CTNND2: variants seen among roughly 807,000 people sequenced by gnomAD.
CTNND2 encodes the protein catenin delta 2.
Under a neutral mutation model 144.4 loss-of-function variants are expected in CTNND2, and 22 were observed. That is an observed-to-expected ratio of 0.15 (90% CI 0.11 to 0.22). The LOEUF (loss-of-function observed/expected upper bound fraction) is 0.22, where lower values mean the gene tolerates loss of function less well. CTNND2 is among the 10% of genes least tolerant of loss of function. The pLI, the probability that CTNND2 is intolerant of heterozygous loss-of-function variation, is 1.00. For missense variants in CTNND2, 1,353 were observed against 1,618.8 expected, an observed-to-expected ratio of 0.84 and a Z score of 2.82; for synonymous variants, 751 against 695.6, an observed-to-expected ratio of 1.08 and a Z score of -1.25.
intron 2 of CTNND2, among the ~76,000 whole-genome samples, chr5:11,607,799 C>A (rs962028681): frequency 1.5e-4 from 23 of 152,188 alleles, no homozygotes; most frequent in African/African-American, 5.5e-4. Flanking sequence ...GTGAACACGG[C>A]AGGTATCAAA....
intron 1 of CTNND2, among the ~76,000 whole-genome samples, chr5:11,750,452 G>T (rs1788548388): frequency 6.6e-6 from 1 of 151,866 alleles, no homozygotes; most frequent in Non-Finnish European, 1.5e-5. Flanking sequence ...TGTGATTTTG[G>T]TATTGTTTGT....
At chr5:10,983,996 T>C (rs547493244) in intron 20 of CTNND2, among the ~76,000 whole-genome samples, 208 of 152,294 alleles carry the variant, frequency 1.4e-3, no homozygotes, top group Non-Finnish European at 2.5e-3. Flanking sequence ...TCTTTCTCCC[T>C]GGAACTCGCT....
rs564087121 is a variant in CTNND2 at position 11,319,907 on chromosome 5, C to G, written c.1628+26465G>C. 7.9e-5 allele frequency among the ~76,000 whole-genome samples: 12 copies of G among 152,236 alleles called. No homozygotes were observed. In the East Asian group the frequency reaches 2.3e-3, roughly 29 times the overall value. On this transcript the variant is annotated intron_variant, in intron 9 of 21. Coordinates refer to ENST00000304623, the MANE Select transcript of CTNND2 (RefSeq NM_001332.4). ...TGATGATCAGAATATTTTAGCCTGTCATATTTTAGTGTGAAATGCATAACG... is the reference window on the plus strand; with the variant it reads ...TGATGATCAGAATATTTTAGCCTGTGATATTTTAGTGTGAAATGCATAACG...
At chr5:11,178,669 G>A (rs1206494868) in intron 11 of CTNND2, among the ~76,000 whole-genome samples, 1 of 152,158 alleles carries the variant, frequency 6.6e-6, no homozygotes, top group Admixed American at 6.5e-5. Flanking sequence ...GTAGAGCCTA[G>A]CAGAATTTTA....
intron 3 of CTNND2, among the ~76,000 whole-genome samples, chr5:11,528,752 G>A (rs1305817492): frequency 6.6e-6 from 1 of 152,220 alleles, no homozygotes; most frequent in East Asian, 1.9e-4. Flanking sequence ...GTCTGAACCA[G>A]GGGCCACAAA....
rs1410267058 is a variant in CTNND2, at chr5:11,397,052, A to T, written c.591T>A (p.Ala197=). 1 of 1,613,684 alleles carries T rather than the reference A, an allele frequency of 6.2e-7. No homozygotes were observed. Among genetic ancestry groups the T allele is most frequent in the East Asian group, 2.2e-5 (1 of 44,870 alleles). ...QLPARGTQAR[A]TGQSFSQGTT... is the part of the protein sequence containing the mutation. ...CTACCTGGCTGAAGCTCTGGCCCGT[A>T]GCTCGGGCTTGTGTGCCTCGGGCCG... The change falls in exon 6 of 22, where the codon GCT becomes GCA. Residue 197 remains alanine (A), a synonymous_variant. Transcript: ENST00000304623.
chr5:11,044,115 C>G (rs927251793), intron 16 of CTNND2, among the ~76,000 whole-genome samples: 7 of 152,146 alleles, frequency 4.6e-5, no homozygotes, highest in African/African-American at 9.7e-5. Context: ...GATGGTCCTG[C>G]CTGTCTGCTC....
intron 3 of CTNND2, among the ~76,000 whole-genome samples, chr5:11,563,754 A>C (rs1267426902): frequency 6.6e-6 from 1 of 152,132 alleles, no homozygotes; most frequent in Admixed American, 6.5e-5. Context: ...GAAAAAAAAA[A>C]CACTAAGCAA....
chr5:11,077,006 T>A (rs189621755), intron 16 of CTNND2, among the ~76,000 whole-genome samples: 3 of 152,156 alleles, frequency 2.0e-5, no homozygotes, highest in East Asian at 1.9e-4. Flanking sequence ...ATTCTTGGCT[T>A]TTTTAATAGA....
chr5:11,284,711 C>T (rs140761078), intron 9 of CTNND2, among the ~76,000 whole-genome samples: 4,459 of 152,268 alleles, frequency 0.029, 105 homozygotes, highest in Non-Finnish European at 0.046. Flanking sequence ...GTGAATAGTG[C>T]TGCAATGAAC....
chr5:11,067,878 A>C lies in CTNND2; in HGVS notation c.2788+14818T>G, dbSNP rs989284303. ...TGTCTTCATCAAAGTGTGTGTTGTG[A>C]AAGATTATATTAAAATATAATATTC... On this transcript the variant is annotated intron_variant, in intron 16 of 21. Transcript: ENST00000304623. Among the ~76,000 whole-genome samples, 9 of 152,340 alleles carry C rather than the reference A, an allele frequency of 5.9e-5. No individual in the cohort carries two copies. The South Asian group carries it at 1.7e-3, about 28-fold the overall frequency.
At chr5:11,750,856 C>T (rs979494615) in intron 1 of CTNND2, among the ~76,000 whole-genome samples, 9 of 151,720 alleles carry the variant, frequency 5.9e-5, no homozygotes, top group Admixed American at 5.3e-4. Context: ...TTATCTTATA[C>T]ACCAAGATGT....
chr5:11,554,914 TATATAA>T (rs1023717811), intron 3 of CTNND2, among the ~76,000 whole-genome samples: 6 of 150,878 alleles, frequency 4.0e-5, no homozygotes, highest in African/African-American at 1.5e-4. Context: ...ATCAATTATA[TATATAA>T]ATATATCTAC....
rs1416057892 is a variant in CTNND2, at chr5:10,992,638, T to C, written c.3124A>G (p.Thr1042Ala). The C allele has an allele frequency of 2.5e-6, 4 of 1,614,020 alleles. No homozygotes were observed. Among genetic ancestry groups the C allele is most frequent in the Admixed American group, 1.7e-5 (1 of 60,008 alleles). The change falls in exon 19 of 22, where the codon ACC (threonine) becomes GCC (alanine). Residue 1042 changes from threonine (T) to alanine (A), a missense_variant. Thr to Ala is a moderately conservative substitution (Grantham distance 58, BLOSUM62 0). Coordinates refer to ENST00000304623, the MANE Select transcript of CTNND2 (RefSeq NM_001332.4). Reference protein sequence around the residue: ...SQYHFVASSSTIERDRQRPYS... With the variant: ...SQYHFVASSSAIERDRQRPYS... ...GGCCTTTGCCGGTCCCTCTCGATGG[T>C]TGAAGACGAGGCTACAAAGTGGTAT...
chr5:11,398,965 G>T (rs1431945106), intron 5 of CTNND2, among the ~76,000 whole-genome samples: 1 of 152,212 alleles, frequency 6.6e-6, no homozygotes, highest in Non-Finnish European at 1.5e-5. Context: ...AGCCTCTGGA[G>T]GTGGGGCAAG....
chr5:11,151,761 G>A (rs1757776520), intron 12 of CTNND2, among the ~76,000 whole-genome samples: 2 of 152,046 alleles, frequency 1.3e-5, no homozygotes, highest in Non-Finnish European at 2.9e-5. Context: ...AGCATGATGG[G>A]GGATTTTATA....
intron 12 of CTNND2, among the ~76,000 whole-genome samples, chr5:11,146,480 C>T (rs570766817): frequency 1.3e-5 from 2 of 152,292 alleles, no homozygotes; most frequent in South Asian, 4.1e-4. Flanking sequence ...CTAAACCTCT[C>T]TAAGCTTCAG....
intron 2 of CTNND2, among the ~76,000 whole-genome samples, chr5:11,669,595 T>G (rs1783763792): frequency 6.6e-6 from 1 of 152,204 alleles, no homozygotes; most frequent in Non-Finnish European, 1.5e-5. Flanking sequence ...TGTATTTCTG[T>G]GGGATCGGTG....
At chr5:11,341,874 T>C (rs570801274) in intron 9 of CTNND2, among the ~76,000 whole-genome samples, 49 of 152,192 alleles carry the variant, frequency 3.2e-4, no homozygotes, top group African/African-American at 1.1e-3. Flanking sequence ...TTAACCAGGC[T>C]TGTGGCCAGC....
Sources: gnomAD v4.1 joint callset for allele counts (sites outside exome capture counted in the v4.1 genomes callset) on GRCh38, gnomAD v4.1.1 for gene constraint, MANE v1.5 for transcripts, NCBI Gene and HGNC (gene_info 2026-07-23, HGNC 2026-07-21) for gene names.